LRRC1: variants seen among roughly 807,000 people sequenced by gnomAD.
LRRC1 encodes the protein leucine rich repeat containing 1.
Under a neutral mutation model 69.9 loss-of-function variants are expected in LRRC1, and 28 were observed. That is an observed-to-expected ratio of 0.40 (90% CI 0.30 to 0.55). The LOEUF (loss-of-function observed/expected upper bound fraction) is 0.55. LRRC1 is among the 20% of genes least tolerant of loss of function. LRRC1 has a pLI of 0.47. For missense variants in LRRC1, 498 were observed against 609.0 expected, an observed-to-expected ratio of 0.82 and a Z score of 1.92; for synonymous variants, 236 against 240.2, an observed-to-expected ratio of 0.98 and a Z score of 0.16.
chr6:53,900,426 G>C (rs569470145), intron 8 of LRRC1, among the ~76,000 whole-genome samples: 1 of 152,258 alleles, frequency 6.6e-6, no homozygotes, highest in Non-Finnish European at 1.5e-5. Flanking sequence ...TCCTGGCTTG[G>C]TATCTATTAC....
chr6:53,920,921 C>G, intron 13 of LRRC1, 160 bp downstream of exon 13: 1 of 741,162 alleles, frequency 1.3e-6, no homozygotes, highest in Non-Finnish European at 2.2e-6. Context: ...ATTCTAGGTA[C>G]TCACTCACAA....
intron 1 of LRRC1, among the ~76,000 whole-genome samples, chr6:53,835,042 C>T (rs2127413773): frequency 6.6e-6 from 1 of 152,284 alleles, no homozygotes; most frequent in Admixed American, 6.5e-5. Flanking sequence ...ATAGGAATTC[C>T]TTCTTCATTA....
chr6:53,865,734 T>TG (rs1766681536), intron 2 of LRRC1, among the ~76,000 whole-genome samples: 1 of 151,646 alleles, frequency 6.6e-6, no homozygotes, highest in Admixed American at 6.6e-5. Context: ...TCTTTCTTTT[T>TG]TTTTTTGAGA....
chr6:53,860,394 A>G (rs1766456531), intron 2 of LRRC1, among the ~76,000 whole-genome samples: 1 of 152,218 alleles, frequency 6.6e-6, no homozygotes, highest in South Asian at 2.1e-4. Flanking sequence ...TGTATTAGAA[A>G]TATTTTACCT....
chr6:53,899,849 G>C lies in LRRC1; in HGVS notation c.745G>C (p.Val249Leu), dbSNP rs1767990705. The change falls in exon 8 of 14, where the codon GTC (valine) becomes CTC (leucine). Residue 249 changes from valine (V) to leucine (L), a missense_variant. This residue lies in a region of LRRC1 where 266 missense variants were observed against 383.9 expected (regional missense o/e 0.69). Coordinates refer to ENST00000370888, the MANE Select transcript of LRRC1 (RefSeq NM_018214.5). ...TGGCCTGACTTCATTAACGGATTTA[G>C]TCATTTCCCAGAACTTATTAGAAAC... ...ISGLTSLTDL[V>L]ISQNLLETIP... 2 of 1,613,940 alleles carry C rather than the reference G, an allele frequency of 1.2e-6. No homozygotes were observed. The highest frequency in any genetic ancestry group is 2.7e-5 in the African/African-American group (2 of 74,888).
intron 7 of LRRC1, 121 bp downstream of exon 7, chr6:53,897,480 G>C: frequency 1.5e-6 from 1 of 647,416 alleles, no homozygotes; most frequent in Non-Finnish European, 2.5e-6. Flanking sequence ...AACATTGATT[G>C]AAAAGGCACA....
At chr6:53,821,391 C>T (rs1164034973) in intron 1 of LRRC1, among the ~76,000 whole-genome samples, 1 of 152,268 alleles carries the variant, frequency 6.6e-6, no homozygotes, top group South Asian at 2.1e-4. Flanking sequence ...ATTCTTTTTA[C>T]ACATTATTAT....
intron 1 of LRRC1, among the ~76,000 whole-genome samples, chr6:53,822,566 A>G (rs1765146021): frequency 6.6e-6 from 1 of 152,194 alleles, no homozygotes; most frequent in African/African-American, 2.4e-5. Flanking sequence ...CAGTGCTCAT[A>G]TAGTTGCTGG....
At chr6:53,820,181 T>G (rs1765077375) in intron 1 of LRRC1, among the ~76,000 whole-genome samples, 1 of 152,018 alleles carries the variant, frequency 6.6e-6, no homozygotes, top group African/African-American at 2.4e-5. Context: ...TACTGGCTAG[T>G]TTCAGGAACC....
intron 9 of LRRC1, among the ~76,000 whole-genome samples, chr6:53,902,955 T>TG (rs1581912126): frequency 6.6e-6 from 1 of 152,158 alleles, no homozygotes; most frequent in African/African-American, 2.4e-5. Context: ...GTCCCAGTTG[T>TG]GGTGCTTTGA....
intron 12 of LRRC1, among the ~76,000 whole-genome samples, chr6:53,919,935 A>G (rs558637243): frequency 3.9e-5 from 6 of 152,340 alleles, no homozygotes; most frequent in Admixed American, 3.3e-4. Flanking sequence ...TGAAAATACA[A>G]TACTTCTAGA....
At chr6:53,827,639 A>T (rs2127411265) in intron 1 of LRRC1, among the ~76,000 whole-genome samples, 2 of 152,172 alleles carry the variant, frequency 1.3e-5, no homozygotes, top group South Asian at 4.1e-4. Flanking sequence ...GTGCCAGAAC[A>T]TGGGGTGCAT....
chr6:53,890,037 A>C (rs1767624869), intron 4 of LRRC1, among the ~76,000 whole-genome samples: 1 of 152,168 alleles, frequency 6.6e-6, no homozygotes. Flanking sequence ...GGTCAAGAGC[A>C]CACAAAAACT....
At chr6:53,795,556 C>G in intron 1 of LRRC1, 141 bp downstream of exon 1, 1 of 762,082 alleles carries the variant, frequency 1.3e-6, no homozygotes, top group Non-Finnish European at 2.1e-6. Context: ...GCTTCTTTCT[C>G]CCCCTGTCTC....
intron 4 of LRRC1, among the ~76,000 whole-genome samples, chr6:53,888,062 T>G (rs551579549): frequency 3.3e-5 from 5 of 152,234 alleles, no homozygotes; most frequent in Non-Finnish European, 5.9e-5. Flanking sequence ...TTAAGGAGTT[T>G]TGAAATGTTG....
intron 1 of LRRC1, among the ~76,000 whole-genome samples, chr6:53,838,319 G>C (rs1481720113): frequency 6.6e-6 from 1 of 152,194 alleles, no homozygotes; most frequent in Admixed American, 6.5e-5. Context: ...TAGTATTTGT[G>C]ACAGGCTCTA....
rs537690536 is a variant in LRRC1 at position 53,840,475 on chromosome 6, T to C, written c.160-1635T>C. ...CCTTGGTATGTACTTTTTTTTTCATTCATTTTATTGGTCGCATGGTGGGCC... is the reference window on the plus strand; with the variant it reads ...CCTTGGTATGTACTTTTTTTTTCATCCATTTTATTGGTCGCATGGTGGGCC... On this transcript the variant is annotated intron_variant, in intron 1 of 13. Transcript: ENST00000370888. Among the ~76,000 whole-genome samples the C allele has an allele frequency of 3.3e-5, 5 of 152,258 alleles. No individual in the cohort carries two copies. In the South Asian group the frequency reaches 1.0e-3, roughly 32 times the overall value.
rs755173078 is a variant in LRRC1, at chr6:53,922,822, G to T, written c.*29G>T. On this transcript the variant is annotated 3_prime_UTR_variant, in exon 14 of 14. Coordinates refer to ENST00000370888, the MANE Select transcript of LRRC1 (RefSeq NM_018214.5). The stretch of plus-strand genomic sequence containing the variant: ...TTCACCTCCAAGTTTTACCTCCTGT[G>T]TCTTCCTCTGCTGTCGAGACGTTCC... The T allele has an allele frequency of 2.5e-5, 40 of 1,604,210 alleles. No homozygotes were observed. Among genetic ancestry groups the T allele is most frequent in the Non-Finnish European group, 3.4e-5 (40 of 1,174,062 alleles).
intron 3 of LRRC1, among the ~76,000 whole-genome samples, chr6:53,881,356 C>T (rs1286274514): frequency 6.6e-6 from 1 of 152,108 alleles, no homozygotes; most frequent in Non-Finnish European, 1.5e-5. Flanking sequence ...TAGTTTAGCC[C>T]TTAGGTTAAC....
Sources: gnomAD v4.1 joint callset for allele counts (sites outside exome capture counted in the v4.1 genomes callset) on GRCh38, gnomAD v4.1.1 for gene constraint, gnomAD v4.1.1 regional missense constraint, MANE v1.5 for transcripts, NCBI Gene and HGNC (gene_info 2026-07-23, HGNC 2026-07-21) for gene names.